Variants in MATN1 observed in about 807,000 individuals in gnomAD.
MATN1 encodes the protein matrilin 1, also known as matrilin-1.
A neutral mutation model predicts 41.3 loss-of-function variants in MATN1; 34 were observed. That is an observed-to-expected ratio of 0.82 (90% CI 0.63 to 1.10). MATN1 has a LOEUF of 1.10. Among genes scored for constraint, MATN1 ranks in the 50% least tolerant of loss-of-function variants. The pLI is 0.00. For synonymous variants in MATN1, 264 were observed against 278.7 expected (o/e 0.95, Z 0.53); for missense variants, 602 against 662.4 (o/e 0.91, Z 1.00).
chr1:30,721,118 A>G (rs1001333918), intron 2 of MATN1: 3 of 402,710 alleles, frequency 7.4e-6, no homozygotes, highest in African/African-American at 6.0e-5. Context: ...CCTGTCTGCA[A>G]TGTCTTCAAG....
chr1:30,717,554 G>C (rs933686001), intron 3 of MATN1, among the ~76,000 whole-genome samples: 11 of 152,120 alleles, frequency 7.2e-5, no homozygotes, highest in African/African-American at 2.7e-4. Flanking sequence ...AGGTTTTCTG[G>C]GAGCTCTCCT....
chr1:30,716,529 C>T (rs1320042699), intron 4 of MATN1, among the ~76,000 whole-genome samples: 1 of 152,248 alleles, frequency 6.6e-6, no homozygotes, highest in African/African-American at 2.4e-5. Flanking sequence ...GATCACACAG[C>T]TCAGAAGTGG....
rs778071349 is a variant in MATN1 at position 30,716,278 on chromosome 1, T to G, written c.838A>C (p.Ile280Leu). The G allele has an allele frequency of 1.9e-5, 31 of 1,614,122 alleles. No individual in the cohort carries two copies. Among genetic ancestry groups the G allele is most frequent in the Non-Finnish European group, 2.6e-5 (31 of 1,180,026 alleles). Residue 280 changes from isoleucine to leucine, a missense_variant, in exon 5 of 8, where the codon ATT becomes CTT. Transcript: ENST00000373765. ...GSSATDLVFL[I>L]DGSKSVRPEN... The stretch of plus-strand genomic sequence containing the variant: ...GGCCTCACACTCTTGGATCCGTCAA[T>G]GAGGAAGACCAGGTCAGTGGCCGAG...
At chr1:30,722,181 A>G (rs1639705779) in intron 1 of MATN1, among the ~76,000 whole-genome samples, 1 of 152,172 alleles carries the variant, frequency 6.6e-6, no homozygotes. Flanking sequence ...AAGGGCAGCT[A>G]TTTCTTCTAG....
intron 6 of MATN1, 60 bp from the exon 7 acceptor site, chr1:30,714,387 G>A (rs1639590797): frequency 1.4e-6 from 2 of 1,394,800 alleles, no homozygotes; most frequent in Non-Finnish European, 2.0e-6. Context: ...CCCAGGAGGA[G>A]GGAGGACAGT....
intron 1 of MATN1, among the ~76,000 whole-genome samples, chr1:30,722,427 C>A (rs370158214): frequency 9.8e-5 from 15 of 152,384 alleles, no homozygotes; most frequent in African/African-American, 2.9e-4. Flanking sequence ...AAGACACACC[C>A]CCGAGGAGCA....
intron 1 of MATN1, among the ~76,000 whole-genome samples, chr1:30,722,118 C>G (rs1466279849): frequency 6.6e-6 from 1 of 152,214 alleles, no homozygotes; most frequent in Non-Finnish European, 1.5e-5. Flanking sequence ...GGCAAAGGAC[C>G]CTGCGGCCTT....
rs753652902 is a variant in MATN1, at chr1:30,716,216, C to G, written c.900G>C (p.Gln300His). ...NFELVKKFIS[Q>H]IVDTLDVSDK... ...CTGACACGTCCAGCGTATCCACGAT[C>G]TGACTGATGAACTTCTTCACCAGCT... Residue 300 changes from glutamine to histidine, a missense_variant, in exon 5 of 8, where the codon CAG (glutamine) becomes CAC (histidine). Transcript: ENST00000373765. The G allele has an allele frequency of 8.1e-6, 13 of 1,614,226 alleles. No homozygotes were observed. The East Asian group carries it at 1.3e-4, about 17-fold the overall frequency.
At chr1:30,719,940 G>C (rs1381506237) in intron 2 of MATN1, 1 of 152,452 alleles carries the variant, frequency 6.6e-6, no homozygotes, top group African/African-American at 2.4e-5. Flanking sequence ...ACTGTAAAAA[G>C]GGTTGTGGTG....
chr1:30,722,907 C>T (rs530389536), intron 1 of MATN1, among the ~76,000 whole-genome samples: 21 of 152,172 alleles, frequency 1.4e-4, no homozygotes, highest in Non-Finnish European at 2.8e-4. Flanking sequence ...TTGGCCACAC[C>T]GTACAGCAGT....
At chr1:30,717,641 G>GTTTTTTTTTT (rs1557450696) in intron 3 of MATN1, among the ~76,000 whole-genome samples, 2 of 136,794 alleles carry the variant, frequency 1.5e-5, no homozygotes, top group African/African-American at 5.9e-5. Context: ...TTGTGTGTGC[G>GTTTTTTTTTT]GTTTTTTTTT....
At position 30,721,637 on chromosome 1, in the gene MATN1, G is replaced by T. The variant is rs760462882; in HGVS notation, c.209C>A (p.Ser70Ter). ...VKVFLSQVIESLDVGPNATRV... is the reference protein window; with the variant it reads ...VKVFLSQVIE Reference sequence around the variant, plus strand: ...GGTGGCATTGGGCCCCACGTCCAGCGACTCGATGACCTGGGACAGGAATAC... The same window carrying T: ...GGTGGCATTGGGCCCCACGTCCAGCTACTCGATGACCTGGGACAGGAATAC... The change falls in exon 2 of 8, where the codon TCG becomes TAG. Residue 70 changes from serine to a stop codon, truncating the protein, a stop_gained. Coordinates refer to ENST00000373765, the MANE Select transcript of MATN1 (RefSeq NM_002379.3). LOFTEE classifies it high-confidence loss of function. The T allele has an allele frequency of 1.2e-6, 2 of 1,613,542 alleles. No individual in the cohort carries two copies. Among genetic ancestry groups the T allele is most frequent in the Non-Finnish European group, 1.7e-6 (2 of 1,180,034 alleles).
At chr1:30,715,133 A>G in intron 6 of MATN1, 24 bp downstream of exon 6, 2 of 1,611,742 alleles carry the variant, frequency 1.2e-6, no homozygotes, top group Non-Finnish European at 1.7e-6. Context: ...AAATCCCATC[A>G]ATGCCAGCCC....
At chr1:30,716,415 C>T (rs901032884) in intron 4 of MATN1, 90 bp from the exon 5 acceptor site, 40 of 1,325,252 alleles carry the variant, frequency 3.0e-5, no homozygotes, top group Non-Finnish European at 4.2e-5. Flanking sequence ...ACACCAAGCT[C>T]TGTGCTGAGG....
intron 6 of MATN1, among the ~76,000 whole-genome samples, 172 bp downstream of exon 6, chr1:30,714,985 A>G (rs1433817214): frequency 2.0e-5 from 3 of 152,236 alleles, no homozygotes; most frequent in Non-Finnish European, 4.4e-5. Context: ...CGAGCATTCA[A>G]CATGTTTGCT....
At chr1:30,718,620 C>A (rs1473704915) in intron 3 of MATN1, 115 bp downstream of exon 3, 2 of 370,590 alleles carry the variant, frequency 5.4e-6, no homozygotes, top group Non-Finnish European at 9.0e-6. Context: ...CTGCCCTGCG[C>A]CGGCGCTGGC....
chr1:30,715,996 G>C lies in MATN1; in HGVS notation c.1120C>G (p.Pro374Ala). The change falls in exon 5 of 8, where the codon CCC becomes GCC. Residue 374 changes from proline to alanine, a missense_variant. Transcript: ENST00000373765. ...ACAATGCCCACCTTCTGGGCCCCGG[G>C]CCTAGCCCCACTGGACACAGTGAAG... is the stretch of plus-strand genomic sequence containing the variant. The part of the protein sequence containing the change: ...NSFTVSSGAR[P>A]GAQKVGIVFT... 1 of 1,614,230 alleles carries C rather than the reference G, an allele frequency of 6.2e-7. No homozygotes were observed. Among genetic ancestry groups the C allele is most frequent in the Non-Finnish European group, 8.5e-7 (1 of 1,180,036 alleles).
chr1:30,716,833 G>C lies in MATN1; in HGVS notation c.747C>G (p.Cys249Trp). ...CGCTGTTCAGAGTGAAGCCCTCGTG[G>C]CAGGCGCAGGTGTAGGAACCGGGGG... ...ISSPGSYTCACHEGFTLNSDG... is the reference protein window; with the variant it reads ...ISSPGSYTCAWHEGFTLNSDG... Residue 249 changes from cysteine (C) to tryptophan (W), a missense_variant, in exon 4 of 8, where the codon TGC becomes TGG. Physicochemically the swap from Cys to Trp is radical, Grantham distance 215 (BLOSUM62 -2). Transcript: ENST00000373765. 1.2e-6 allele frequency: 2 copies of C among 1,614,000 alleles called. No homozygotes were observed. The highest frequency in any genetic ancestry group is 1.7e-6 in the Non-Finnish European group (2 of 1,179,990).
chr1:30,719,691 C>A (rs933991738), intron 2 of MATN1: 1 of 153,246 alleles, frequency 6.5e-6, no homozygotes, highest in East Asian at 1.9e-4. Context: ...GCTTCGTGAC[C>A]CCCTGTCTGC....
Sources: allele counts gnomAD v4.1 joint callset (sites outside exome capture counted in the v4.1 genomes callset), GRCh38; gene constraint gnomAD v4.1.1; transcripts MANE v1.5; gene names NCBI Gene and HGNC (gene_info 2026-07-23, HGNC 2026-07-21).